The following SLC25A21 variants were observed in gnomAD, a reference collection of about 807,000 sequenced individuals.
SLC25A21 encodes the protein solute carrier family 25 member 21, also known as mitochondrial 2-oxodicarboxylate carrier.
SLC25A21 carries 47 observed loss-of-function variants against 43.8 expected under a neutral mutation model. The observed-to-expected ratio is 1.07, with a 90% CI of 0.85 to 1.37. The LOEUF is 1.37. Among genes scored for constraint, SLC25A21 ranks in the 40% most tolerant of loss-of-function variants. SLC25A21 has a pLI of 0.00. For synonymous variants in SLC25A21, 131 were observed against 121.3 expected (o/e 1.08, Z -0.52); for missense variants, 352 against 350.2 (o/e 1.00, Z -0.04).
At chr14:37,152,472 C>T (rs1331574890) in intron 1 of SLC25A21, among the ~76,000 whole-genome samples, 6 of 151,584 alleles carry the variant, frequency 4.0e-5, no homozygotes, top group Non-Finnish European at 7.4e-5. Context: ...ACCTCTGCTC[C>T]GGGTTCAAGC....
At chr14:36,880,029 T>C (rs1308157372) in intron 1 of SLC25A21, among the ~76,000 whole-genome samples, 6 of 152,142 alleles carry the variant, frequency 3.9e-5, no homozygotes, top group African/African-American at 1.4e-4. Flanking sequence ...GGGGCAAAGA[T>C]GGTTAATTTT....
intron 1 of SLC25A21, among the ~76,000 whole-genome samples, chr14:37,170,299 C>G (rs4368077): frequency 0.65 from 98,110 of 152,062 alleles, 31,923 homozygotes; most frequent in East Asian, 0.86. Context: ...CTCACAAAGT[C>G]CTGGGATTAC....
At chr14:36,903,321 A>G (rs1457913994) in intron 1 of SLC25A21, among the ~76,000 whole-genome samples, 1 of 152,134 alleles carries the variant, frequency 6.6e-6, no homozygotes, top group Non-Finnish European at 1.5e-5. Context: ...TGGCCCACAG[A>G]TGTGTTTTGT....
chr14:36,798,387 T>TG (rs1887746385), intron 3 of SLC25A21, among the ~76,000 whole-genome samples: 2 of 152,196 alleles, frequency 1.3e-5, no homozygotes, highest in Admixed American at 1.3e-4. Flanking sequence ...CTGTAGGTAT[T>TG]GGAAATGCAA....
At chr14:36,830,454 T>C (rs1478760531) in intron 2 of SLC25A21, among the ~76,000 whole-genome samples, 1 of 152,124 alleles carries the variant, frequency 6.6e-6, no homozygotes, top group African/African-American at 2.4e-5. Context: ...AAACATTCCA[T>C]TTTAAGAGCT....
chr14:37,093,351 C>G (rs941445139), intron 1 of SLC25A21, among the ~76,000 whole-genome samples: 2 of 152,194 alleles, frequency 1.3e-5, no homozygotes, highest in African/African-American at 2.4e-5. Context: ...ATCCTTAACT[C>G]CAGTTTCTCT....
chr14:37,106,802 T>G (rs990882231), intron 1 of SLC25A21, among the ~76,000 whole-genome samples: 12 of 152,178 alleles, frequency 7.9e-5, no homozygotes, highest in Non-Finnish European at 1.6e-4. Context: ...ATCACAGTCC[T>G]ACCGATATGT....
intron 3 of SLC25A21, among the ~76,000 whole-genome samples, chr14:36,787,261 T>A (rs1036282031): frequency 2.2e-4 from 34 of 152,274 alleles, no homozygotes; most frequent in African/African-American, 7.9e-4. Flanking sequence ...ACTCAGAATA[T>A]CTTGAGAAGC....
chr14:36,772,566 A>G (rs2138359787), intron 3 of SLC25A21, among the ~76,000 whole-genome samples: 2 of 152,298 alleles, frequency 1.3e-5, no homozygotes, highest in South Asian at 4.1e-4. Flanking sequence ...AAGAGCAGAG[A>G]ACAAAAAAAA....
chr14:36,851,545 A>G (rs1889735745), intron 2 of SLC25A21, among the ~76,000 whole-genome samples: 1 of 152,232 alleles, frequency 6.6e-6, no homozygotes, highest in African/African-American at 2.4e-5. Flanking sequence ...ATAACATAAT[A>G]TGCTTGGTAA....
At chr14:36,684,698 T>C (rs759035550) in intron 8 of SLC25A21, 46 bp downstream of exon 8, 1 of 1,535,086 alleles carries the variant, frequency 6.5e-7, no homozygotes, top group Admixed American at 1.9e-5. Context: ...GTTCTAACAA[T>C]ACGTGAGCCT....
chr14:36,897,002 T>C lies in SLC25A21; in HGVS notation c.71-21998A>G, dbSNP rs143596580. On this transcript the variant is annotated intron_variant, in intron 1 of 9. Coordinates refer to ENST00000331299, the MANE Select transcript of SLC25A21 (RefSeq NM_030631.4). ...TACTTCATTTCGACTTTGGTGAATC[T>C]GACAATTATGTGTCTTGGAGCTGCT... is the stretch of plus-strand genomic sequence containing the variant. Among the ~76,000 whole-genome samples, 129 of 152,340 alleles carry C rather than the reference T, an allele frequency of 8.5e-4. 2 individuals carry two copies. In the East Asian group the frequency reaches 0.013, roughly 16 times the overall value.
intron 1 of SLC25A21, among the ~76,000 whole-genome samples, chr14:36,966,455 C>A (rs562537623): frequency 2.6e-5 from 4 of 152,086 alleles, no homozygotes; most frequent in Non-Finnish European, 5.9e-5. Context: ...AGAGAAGAGC[C>A]CTTGTGTGTC....
intron 4 of SLC25A21, among the ~76,000 whole-genome samples, chr14:36,730,988 T>C (rs982517537): frequency 3.3e-5 from 5 of 151,516 alleles, no homozygotes; most frequent in African/African-American, 9.7e-5. Flanking sequence ...TTTTTTTTTT[T>C]TCGAGATGGA....
At chr14:36,928,494 A>T (rs544366647) in intron 1 of SLC25A21, among the ~76,000 whole-genome samples, 3 of 152,278 alleles carry the variant, frequency 2.0e-5, no homozygotes, top group African/African-American at 7.2e-5. Flanking sequence ...ACCACGGCTA[A>T]CTAATGGGAG....
At chr14:36,779,560 TGAA>T (rs929161772) in intron 3 of SLC25A21, among the ~76,000 whole-genome samples, 5 of 140,744 alleles carry the variant, frequency 3.6e-5, no homozygotes, top group African/African-American at 1.3e-4. Flanking sequence ...CTTATATATA[TGAA>T]GAATATTATC....
At chr14:36,881,608 A>T (rs1247760652) in intron 1 of SLC25A21, among the ~76,000 whole-genome samples, 1 of 152,146 alleles carries the variant, frequency 6.6e-6, no homozygotes, top group African/African-American at 2.4e-5. Flanking sequence ...ATTCCTTTAC[A>T]ACCTAGGTCA....
At chr14:37,032,219 A>G (rs1024873527) in intron 1 of SLC25A21, among the ~76,000 whole-genome samples, 2 of 152,242 alleles carry the variant, frequency 1.3e-5, no homozygotes, top group East Asian at 3.9e-4. Flanking sequence ...GAATTCCTAA[A>G]ATAAGTGCTT....
chr14:36,894,164 C>T (rs1276428423), intron 1 of SLC25A21, among the ~76,000 whole-genome samples: 3 of 152,096 alleles, frequency 2.0e-5, no homozygotes, highest in Non-Finnish European at 4.4e-5. Flanking sequence ...ATTCTTCCTA[C>T]CCATAAGCAT....
Sources: allele counts gnomAD v4.1 joint callset (sites outside exome capture counted in the v4.1 genomes callset), GRCh38; gene constraint gnomAD v4.1.1; transcripts MANE v1.5; gene names NCBI Gene and HGNC (gene_info 2026-07-23, HGNC 2026-07-21).